Variants in HMGB1 observed in about 807,000 individuals in gnomAD.
HMGB1 encodes high mobility group box 1.
For synonymous variants in HMGB1, 81 were observed against 84.0 expected (o/e 0.96, Z 0.19); for missense variants, 79 against 253.5 (o/e 0.31, Z 4.67).
chr13:30,603,877 C>G (rs1358377875), intron 1 of HMGB1, among the ~76,000 whole-genome samples: 2 of 152,052 alleles, frequency 1.3e-5, no homozygotes, highest in African/African-American at 4.8e-5. Flanking sequence ...GGAAAAAAGT[C>G]CACGCGTGTT....
intron 1 of HMGB1, among the ~76,000 whole-genome samples, chr13:30,495,202 C>T (rs780903762): frequency 3.3e-5 from 5 of 152,180 alleles, no homozygotes; most frequent in Admixed American, 6.5e-5. Context: ...CCTTTTCTCA[C>T]GCACCTTCTA....
intron 1 of HMGB1, among the ~76,000 whole-genome samples, chr13:30,525,330 G>T (rs1305366398): frequency 3.3e-5 from 5 of 152,130 alleles, no homozygotes; most frequent in African/African-American, 9.7e-5. Context: ...ACAAAATATT[G>T]CAGCAAAATG....
At chr13:30,523,867 T>C (rs975759564) in intron 1 of HMGB1, among the ~76,000 whole-genome samples, 11 of 152,112 alleles carry the variant, frequency 7.2e-5, no homozygotes, top group African/African-American at 2.2e-4. Context: ...CAGCTTCCTA[T>C]GTAGTTGGGA....
chr13:30,609,212 A>G (rs1950490412), intron 1 of HMGB1, among the ~76,000 whole-genome samples: 1 of 152,196 alleles, frequency 6.6e-6, no homozygotes, highest in African/African-American at 2.4e-5. Flanking sequence ...GCAGTGAGCC[A>G]TTGCGCCACT....
In HMGB1 at chr13:30,542,057, T is replaced by C. The variant is rs77954118; in HGVS notation, c.-15+74614A>G. On this transcript the variant is annotated intron_variant, in intron 1 of 4. Transcript: ENST00000405805. ...CCCTTGTTTGTTTTAGCTTCTGAAC[T>C]TTCCATGCCTCCTGCTCCTCCTGAC... The C allele has an allele frequency of 8.1e-3, 1,244 of 153,626 alleles. 6 individuals carry two copies. The highest frequency in any genetic ancestry group is 0.013 in the Non-Finnish European group (893 of 68,540). The allele number at this position is 153,626 out of a possible 1,614,324, so 9.5% of individuals were successfully genotyped here. A position where few individuals can be genotyped will look rare whatever the true frequency, so the allele number is the denominator to read the frequency against.
At chr13:30,464,327 T>TA in intron 1 of HMGB1, 1 of 985,366 alleles carries the variant, frequency 1.0e-6, no homozygotes. Flanking sequence ...CTGTTCTGAC[T>TA]AAACACGTCC....
chr13:30,538,523 CCTTTCTTTCTTTCCTTT>C (rs1566018819), intron 1 of HMGB1, among the ~76,000 whole-genome samples: 1 of 85,194 alleles, frequency 1.2e-5, no homozygotes, highest in Non-Finnish European at 2.3e-5. Flanking sequence ...TTCTTTCTTT[CCTTTCTTTCTTTCCTTT>C]CTTTCTTTCT....
In HMGB1 at chr13:30,458,325, T is replaced by G. The variant is rs891345751; in HGVS notation, c.*3032A>C. The stretch of plus-strand genomic sequence containing the variant: ...ATTTCATTCAAAAACCAGTTGTCTC[T>G]CCTGTGTTTTTTTTTTTTTTTTGAG... On this transcript the variant is annotated 3_prime_UTR_variant, in exon 5 of 5. Coordinates refer to ENST00000341423, the MANE Select transcript of HMGB1 (RefSeq NM_002128.7). 3 of 115,522 alleles carry G rather than the reference T, an allele frequency of 2.6e-5. No homozygotes were observed. Among genetic ancestry groups the G allele is most frequent in the African/African-American group, 6.7e-5 (2 of 29,682 alleles). 7.2% of individuals were successfully genotyped at this position (115,522 alleles called of 1,614,324 possible). A position where few individuals can be genotyped will look rare whatever the true frequency, so the allele number is the denominator to read the frequency against.
chr13:30,520,295 C>T (rs1342177955), intron 1 of HMGB1, among the ~76,000 whole-genome samples: 2 of 151,704 alleles, frequency 1.3e-5, no homozygotes, highest in African/African-American at 4.8e-5. Context: ...ACACTCCAGC[C>T]TGGGCAACAG....
At chr13:30,591,307 C>A (rs2137553153) in intron 1 of HMGB1, among the ~76,000 whole-genome samples, 1 of 152,206 alleles carries the variant, frequency 6.6e-6, no homozygotes, top group Non-Finnish European at 1.5e-5. Context: ...GCTGGGATTA[C>A]AGGTGTGAAC....
intron 1 of HMGB1, among the ~76,000 whole-genome samples, chr13:30,612,155 T>C (rs1950518441): frequency 6.6e-6 from 1 of 151,578 alleles, no homozygotes; most frequent in Admixed American, 6.5e-5. Context: ...TATGTGTGTG[T>C]GTTATACATA....
At chr13:30,500,567 A>G (rs1887713081) in intron 1 of HMGB1, among the ~76,000 whole-genome samples, 1 of 135,442 alleles carries the variant, frequency 7.4e-6, no homozygotes, top group African/African-American at 3.0e-5. Context: ...TTTGAGACAG[A>G]GTCTCATTCT....
rs1230419705 is a variant in HMGB1, at chr13:30,559,560, G to A, written c.-15+57111C>T. 6.6e-6 allele frequency among the ~76,000 whole-genome samples: 1 copy of A among 152,138 alleles called. No individual in the cohort carries two copies. Among genetic ancestry groups the A allele is most frequent in the Non-Finnish European group, 1.5e-5 (1 of 68,016 alleles). Reference sequence around the variant, plus strand: ...GAGATGTGCGTGTAGTAGGCTGCCTGCTCTAACACATGAGATTAAATTTAG... The same window carrying A: ...GAGATGTGCGTGTAGTAGGCTGCCTACTCTAACACATGAGATTAAATTTAG... On this transcript the variant is annotated intron_variant, in intron 1 of 4. Transcript: ENST00000405805. The surrounding 1 kb of genome is among the most constrained non-coding windows in gnomAD (Gnocchi z 6.6).
intron 1 of HMGB1, chr13:30,464,507 G>C: frequency 1.0e-6 from 1 of 984,704 alleles, no homozygotes; most frequent in Non-Finnish European, 1.2e-6. Flanking sequence ...GTGGCCGCGC[G>C]GCCGAGGAGA....
chr13:30,471,842 G>A (rs184400105), intron 1 of HMGB1, among the ~76,000 whole-genome samples: 1 of 149,720 alleles, frequency 6.7e-6, no homozygotes, highest in African/African-American at 2.5e-5. Context: ...CTAATTTTTT[G>A]TAATTTTAGT....
At chr13:30,587,829 CAG>C (rs1189592392) in intron 1 of HMGB1, among the ~76,000 whole-genome samples, 1 of 152,180 alleles carries the variant, frequency 6.6e-6, no homozygotes, top group African/African-American at 2.4e-5. Flanking sequence ...AAAAGGGTAA[CAG>C]AGAGATATTT....
At chr13:30,484,374 T>C (rs1593269379) in intron 1 of HMGB1, among the ~76,000 whole-genome samples, 1 of 152,196 alleles carries the variant, frequency 6.6e-6, no homozygotes, top group Non-Finnish European at 1.5e-5. Flanking sequence ...AATGAAGGAA[T>C]AAGAGTCTAT....
chr13:30,597,465 C>T (rs1016526586), intron 1 of HMGB1, among the ~76,000 whole-genome samples: 22 of 152,192 alleles, frequency 1.4e-4, no homozygotes, highest in African/African-American at 5.1e-4. Flanking sequence ...TTTTGTTGTT[C>T]AAGCTACCCA....
At chr13:30,501,686 C>G (rs551093880) in intron 1 of HMGB1, among the ~76,000 whole-genome samples, 2 of 152,226 alleles carry the variant, frequency 1.3e-5, no homozygotes, top group African/African-American at 4.8e-5. Flanking sequence ...ATTATTTCAG[C>G]ATTTTAGATA....
Sources: gnomAD v4.1 joint callset for allele counts (sites outside exome capture counted in the v4.1 genomes callset) on GRCh38, gnomAD v4.1.1 for gene constraint, Gnocchi (gnomAD v3.1) non-coding constraint, MANE v1.5 for transcripts, NCBI Gene and HGNC (gene_info 2026-07-23, HGNC 2026-07-21) for gene names.